Variants in MGAT5 observed in about 807,000 individuals in gnomAD.
MGAT5 encodes alpha-1,6-mannosylglycoprotein 6-beta-N-acetylglucosaminyltransferase A.
A neutral mutation model predicts 94.3 loss-of-function variants in MGAT5; 30 were observed. That is an observed-to-expected ratio of 0.32 (90% CI 0.24 to 0.43). The LOEUF (loss-of-function observed/expected upper bound fraction) is 0.43. MGAT5 is among the 20% of genes least tolerant of loss of function. The probability of loss-of-function intolerance (pLI) is 1.00; values close to 1 mark genes in which losing one functional copy is unlikely to be tolerated. For synonymous variants in MGAT5, 310 were observed against 322.9 expected, an observed-to-expected ratio of 0.96 and a Z score of 0.43; for missense variants, 691 against 905.5, an observed-to-expected ratio of 0.76 and a Z score of 3.04.
intron 10 of MGAT5, among the ~76,000 whole-genome samples, chr2:134,381,367 A>ATAGATAGAT (rs1553457671): frequency 1.8e-5 from 2 of 109,980 alleles, no homozygotes; most frequent in African/African-American, 7.1e-5. Context: ...AGATAGATAG[A>ATAGATAGAT]TAAGATAAGA....
chr2:134,370,100 G>T (rs1680691908), intron 10 of MGAT5, among the ~76,000 whole-genome samples: 2 of 152,184 alleles, frequency 1.3e-5, no homozygotes, highest in African/African-American at 4.8e-5. Flanking sequence ...TAATTTGGTT[G>T]ACTTGGGCTT....
chr2:134,122,225 C>T (rs984786841), intron 1 of MGAT5, among the ~76,000 whole-genome samples: 3 of 152,098 alleles, frequency 2.0e-5, no homozygotes, highest in Non-Finnish European at 4.4e-5. Flanking sequence ...CTGCCTCAAC[C>T]TCTCAAGTAG....
chr2:134,226,653 CAG>C (rs1681079929), intron 1 of MGAT5, among the ~76,000 whole-genome samples: 1 of 152,130 alleles, frequency 6.6e-6, no homozygotes, highest in African/African-American at 2.4e-5. Flanking sequence ...CTAGTGTAGA[CAG>C]AAAGTCTGGT....
At chr2:134,374,491 C>T (rs1423748377) in intron 10 of MGAT5, among the ~76,000 whole-genome samples, 1 of 152,138 alleles carries the variant, frequency 6.6e-6, no homozygotes, top group Non-Finnish European at 1.5e-5. Flanking sequence ...CAGATTTCAA[C>T]CTTCAATTGC....
intron 1 of MGAT5, among the ~76,000 whole-genome samples, chr2:134,152,236 A>G (rs1031039055): frequency 6.7e-5 from 9 of 134,942 alleles, no homozygotes; most frequent in African/African-American, 2.6e-4. Flanking sequence ...GGACCCGCTT[A>G]CCACCATGGG....
intron 1 of MGAT5, among the ~76,000 whole-genome samples, chr2:134,136,561 T>C (rs1000169380): frequency 1.3e-5 from 2 of 152,198 alleles, no homozygotes; most frequent in African/African-American, 2.4e-5. Flanking sequence ...GGTGAGACTC[T>C]GTCTCAAAAT....
chr2:134,387,331 TA>T (rs1174236289), intron 10 of MGAT5, among the ~76,000 whole-genome samples: 63 of 48,252 alleles, frequency 1.3e-3, no homozygotes, highest in Admixed American at 4.2e-3. Flanking sequence ...TATATATATA[TA>T]TTTTTTTTTT....
At chr2:134,220,279 T>C (rs1680690548) in intron 1 of MGAT5, among the ~76,000 whole-genome samples, 1 of 152,208 alleles carries the variant, frequency 6.6e-6, no homozygotes, top group Admixed American at 6.5e-5. Flanking sequence ...TTCAGAGTAG[T>C]GTCCTTGGGC....
chr2:134,441,613 A>G (rs1403536279), intron 14 of MGAT5, 145 bp from the exon 15 acceptor site: 2 of 959,064 alleles, frequency 2.1e-6, no homozygotes, highest in Non-Finnish European at 3.2e-6. Context: ...CTGAGCCCCA[A>G]TCCAGCCCAT....
chr2:134,279,763 G>T (rs927056736), intron 2 of MGAT5, among the ~76,000 whole-genome samples: 4 of 152,150 alleles, frequency 2.6e-5, no homozygotes, highest in Non-Finnish European at 5.9e-5. Context: ...GCTTAATGAG[G>T]TATGTGTATA....
chr2:134,335,806 C>G (rs940646375), intron 4 of MGAT5, among the ~76,000 whole-genome samples: 3 of 152,118 alleles, frequency 2.0e-5, no homozygotes, highest in Non-Finnish European at 4.4e-5. Context: ...AGATATGCCA[C>G]AGCAGATAAG....
chr2:134,209,148 T>A lies in MGAT5; in HGVS notation c.-142-45114T>A, dbSNP rs373295301. On this transcript the variant is annotated intron_variant, in intron 1 of 16. Transcript: ENST00000409645. ...TGTATATAGAACTGGCTTATTTTTT[T>A]TTTATTTTTTTTTTTTTTTTTATTT... Among the ~76,000 whole-genome samples, 3 of 6,790 alleles carry A rather than the reference T, an allele frequency of 4.4e-4. 1 individual carries two copies. Among genetic ancestry groups the A allele is most frequent in the African/African-American group, 2.4e-3 (1 of 418 alleles). The allele number at this position is 6,790 out of a possible 152,430, so 4.5% of individuals were successfully genotyped here.
chr2:134,288,596 T>A (rs1049865702), intron 2 of MGAT5, among the ~76,000 whole-genome samples: 5 of 152,188 alleles, frequency 3.3e-5, no homozygotes, highest in Admixed American at 1.3e-4. Flanking sequence ...TTGCAAAGGC[T>A]TATGGAAATT....
intron 1 of MGAT5, among the ~76,000 whole-genome samples, chr2:134,222,412 A>C (rs1345149): frequency 0.67 from 95,659 of 143,510 alleles, 30,811 homozygotes; most frequent in South Asian, 0.71. Context: ...TACCCTCCTT[A>C]TTAAGGGTTA....
At chr2:134,135,017 C>G (rs1037134016) in intron 1 of MGAT5, among the ~76,000 whole-genome samples, 1 of 152,222 alleles carries the variant, frequency 6.6e-6, no homozygotes, top group African/African-American at 2.4e-5. Flanking sequence ...ATCAGTCCAT[C>G]TTTGTAGCTG....
Position 134,403,137 on chromosome 2 carries a change from G to A in MGAT5, c.1530G>A (p.Lys510=), listed in dbSNP as rs1254933212. The change falls in exon 11 of 16, where the codon AAG becomes AAA. Residue 510 remains lysine, a splice_region_variant and synonymous_variant. Coordinates refer to ENST00000281923, the MANE Select transcript of MGAT5 (RefSeq NM_002410.5). ...TGCAGTTCCTTCTTCGAGAAACCAA[G>A]GTAAAAATTCACCACGGATGTGGTG... The part of the protein sequence containing the change: ...RDLQFLLRET[K]LFVGLGFPYE... 1.2e-6 allele frequency: 2 copies of A among 1,601,302 alleles called. No individual in the cohort carries two copies. The highest frequency in any genetic ancestry group is 8.5e-7 in the Non-Finnish European group (1 of 1,177,166).
intron 10 of MGAT5, among the ~76,000 whole-genome samples, chr2:134,393,785 T>C (rs1221885127): frequency 6.6e-6 from 1 of 152,204 alleles, no homozygotes; most frequent in Non-Finnish European, 1.5e-5. Flanking sequence ...CACAACATGG[T>C]GGCCTGGTCT....
Position 134,139,849 on chromosome 2 carries a change from A to C in MGAT5, c.-143+19558A>C, listed in dbSNP as rs151204665. Among the ~76,000 whole-genome samples the C allele has an allele frequency of 3.4e-4, 52 of 152,286 alleles. No individual in the cohort carries two copies. The East Asian group carries it at 9.8e-3, about 29-fold the overall frequency. On this transcript the variant is annotated intron_variant, in intron 1 of 16. Coordinates refer to the MGAT5 transcript ENST00000409645. ...CAGGCCAGGCCACTGCTGGCAACCC[A>C]GAGCAAGCAGAGGGAGGGGTGCTGG... is the stretch of plus-strand genomic sequence containing the variant.
chr2:134,334,519 T>TTTTCC (rs1688218935), intron 4 of MGAT5, among the ~76,000 whole-genome samples: 1 of 138,630 alleles, frequency 7.2e-6, no homozygotes, highest in Non-Finnish European at 1.6e-5. Context: ...TTTTTTTTTT[T>TTTTCC]GCAGGGTTGG....
Sources: gnomAD v4.1 joint callset for allele counts (sites outside exome capture counted in the v4.1 genomes callset) on GRCh38, gnomAD v4.1.1 for gene constraint, MANE v1.5 for transcripts, NCBI Gene and HGNC (gene_info 2026-07-23, HGNC 2026-07-21) for gene names.